KIF5B: variants seen among roughly 807,000 people sequenced by gnomAD.
KIF5B encodes the protein kinesin-1 heavy chain.
In KIF5B, 49 loss-of-function variants were observed where a neutral mutation model predicts 132.8. The observed-to-expected ratio is 0.37, with a 90% CI of 0.29 to 0.47. The LOEUF (loss-of-function observed/expected upper bound fraction) is 0.47, where lower values mean the gene tolerates loss of function less well. Among genes scored for constraint, KIF5B ranks in the 20% least tolerant of loss-of-function variants. The pLI is 1.00. For synonymous variants in KIF5B, 355 were observed against 369.4 expected, an observed-to-expected ratio of 0.96 and a Z score of 0.45; for missense variants, 780 against 1,144.0, an observed-to-expected ratio of 0.68 and a Z score of 4.59.
chr10:32,016,783 G>A (rs1347689682), intron 24 of KIF5B, among the ~76,000 whole-genome samples: 2 of 152,138 alleles, frequency 1.3e-5, no homozygotes, highest in Non-Finnish European at 2.9e-5. Context: ...TGATCCACCC[G>A]CCTCGACCTC....
chr10:32,039,402 TCC>T lies in KIF5B; in HGVS notation c.316_317del (p.Gly106AsnfsTer11). 6.6e-7 allele frequency: 1 copy of T among 1,520,882 alleles called. No homozygotes were observed. The highest frequency in any genetic ancestry group is 9.0e-7 in the Non-Finnish European group (1 of 1,116,368). The allele number at this position is 1,520,882 out of a possible 1,614,324, so 94.2% of individuals were successfully genotyped here. On this transcript the variant is annotated frameshift_variant, in exon 4 of 26. Transcript: ENST00000302418. LOFTEE classifies it high-confidence loss of function. The part of the protein sequence containing the change: ...EGKLHDPEGM[G>X]IIPRIVQDIF... ...TATCTTGCACTATTCTTGGAATAAT[TCC>T]CATGCCTTCTGGATCATGAAGTTTA...
intron 2 of KIF5B, among the ~76,000 whole-genome samples, chr10:32,042,753 A>G (rs1230678889): frequency 6.6e-6 from 1 of 152,200 alleles, no homozygotes; most frequent in Non-Finnish European, 1.5e-5. Context: ...TACTGTATCA[A>G]CAGAAAAAAC....
chr10:32,053,094 T>C (rs751163101), intron 1 of KIF5B, among the ~76,000 whole-genome samples: 13 of 152,252 alleles, frequency 8.5e-5, no homozygotes, highest in Non-Finnish European at 1.9e-4. Flanking sequence ...ATCATGTTTT[T>C]AAAAATTTAG....
At chr10:32,031,026 A>G in intron 14 of KIF5B, 47 bp downstream of exon 14, 1 of 1,347,608 alleles carries the variant, frequency 7.4e-7, no homozygotes, top group South Asian at 1.2e-5. Context: ...TTAGGTTAAG[A>G]ATACTTGTAC....
At position 32,009,772 on chromosome 10, in the gene KIF5B, T is replaced by C. The variant is rs1328114839; in HGVS notation, c.*1765A>G. ...GCCAAATGTTTCTCCATTTAGAAAA[T>C]CATCATAAAAGGTGGCAGCACTTTT... On this transcript the variant is annotated 3_prime_UTR_variant, in exon 26 of 26. Coordinates refer to ENST00000302418, the MANE Select transcript of KIF5B (RefSeq NM_004521.3). The C allele has an allele frequency of 1.3e-5, 2 of 152,072 alleles. No homozygotes were observed. Among genetic ancestry groups the C allele is most frequent in the Admixed American group, 1.3e-4 (2 of 15,270 alleles). 9.4% of individuals were successfully genotyped at this position (152,072 alleles called of 1,614,324 possible). A position where few individuals can be genotyped will look rare whatever the true frequency, so the allele number is the denominator to read the frequency against.
At chr10:32,018,419 T>G in intron 21 of KIF5B, 32 bp from the exon 22 acceptor site, 2 of 1,576,936 alleles carry the variant, frequency 1.3e-6, no homozygotes, top group Non-Finnish European at 1.7e-6. Context: ...TTTTTGGAGC[T>G]CAGACTTTAA....
chr10:32,017,061 C>G, intron 24 of KIF5B, 82 bp downstream of exon 24: 1 of 1,131,180 alleles, frequency 8.8e-7, no homozygotes, highest in Non-Finnish European at 1.3e-6. Context: ...CATGACAACA[C>G]ATAAAATTCG....
intron 1 of KIF5B, among the ~76,000 whole-genome samples, chr10:32,054,271 A>C (rs753720056): frequency 1.3e-5 from 2 of 152,212 alleles, no homozygotes; most frequent in Non-Finnish European, 2.9e-5. Context: ...CTATATGTAA[A>C]ATATACCATC....
intron 13 of KIF5B, among the ~76,000 whole-genome samples, chr10:32,031,943 G>A (rs370909439): frequency 6.7e-6 from 1 of 150,000 alleles, no homozygotes. Context: ...AGGTTGCAGT[G>A]AGCCAAGATC....
In KIF5B at chr10:32,018,720, C is replaced by CAA. The variant is rs112190132; in HGVS notation, c.2307-160_2307-159dup. Among the ~76,000 whole-genome samples, 327 of 150,412 alleles carry CAA rather than the reference C, an allele frequency of 2.2e-3. 2 individuals are homozygous for CAA. The highest frequency in any genetic ancestry group is 7.6e-3 in the African/African-American group (313 of 40,992). On this transcript the variant is annotated intron_variant, in intron 20 of 25. Transcript: ENST00000302418. ...TAAACAATTTACCTGTGCTGTCTTT[C>CAA]AAAAAAAAAATTTTTTTTTTTTTGA... is the stretch of plus-strand genomic sequence containing the variant.
chr10:32,032,986 C>T (rs1322748239), intron 12 of KIF5B, among the ~76,000 whole-genome samples: 1 of 152,154 alleles, frequency 6.6e-6, no homozygotes, highest in Non-Finnish European at 1.5e-5. Context: ...TACTTCGAAC[C>T]TGCCATCTCT....
At chr10:32,053,639 G>A (rs989627536) in intron 1 of KIF5B, among the ~76,000 whole-genome samples, 4 of 151,400 alleles carry the variant, frequency 2.6e-5, no homozygotes, top group South Asian at 2.1e-4. Flanking sequence ...CAGGAGAATC[G>A]TTTGAACCCG....
intron 12 of KIF5B, among the ~76,000 whole-genome samples, chr10:32,033,043 A>T (rs1049624972): frequency 6.6e-6 from 1 of 152,192 alleles, no homozygotes; most frequent in African/African-American, 2.4e-5. Flanking sequence ...ATTTTCTTCT[A>T]ATCTCTTTAC....
In KIF5B at chr10:32,023,044, G is replaced by A. The variant is rs1161827745; in HGVS notation, c.1726-8C>T. 1 of 1,493,422 alleles carries A rather than the reference G, an allele frequency of 6.7e-7. No individual in the cohort carries two copies. Among genetic ancestry groups the A allele is most frequent in the Non-Finnish European group, 9.0e-7 (1 of 1,112,730 alleles). The allele number at this position is 1,493,422 out of a possible 1,614,324, so 92.5% of individuals were successfully genotyped here. A position where few individuals can be genotyped will look rare whatever the true frequency, so the allele number is the denominator to read the frequency against. ...GCCAGTTCCCTCAGGCTGCTGTAAG[G>A]AAAAAGTAAAATAAAAAATTAAAGC... is the stretch of plus-strand genomic sequence containing the variant. On this transcript the variant is annotated splice_polypyrimidine_tract_variant and splice_region_variant and intron_variant, in intron 15 of 25. Coordinates refer to ENST00000302418, the MANE Select transcript of KIF5B (RefSeq NM_004521.3).
intron 19 of KIF5B, 126 bp from the exon 20 acceptor site, chr10:32,020,085 T>C (rs1004695773): frequency 1.0e-5 from 6 of 591,580 alleles, no homozygotes; most frequent in South Asian, 2.6e-5. Context: ...CTATACCCTA[T>C]GGAGGAAAAG....
At chr10:32,048,372 A>G in intron 2 of KIF5B, 92 bp downstream of exon 2, 1 of 804,536 alleles carries the variant, frequency 1.2e-6, no homozygotes, top group Non-Finnish European at 2.0e-6. Flanking sequence ...AGAAAGGGGC[A>G]TTAAAATGAA....
In KIF5B at chr10:32,018,517, A is replaced by G; in HGVS notation, c.2352T>C (p.Gly784=). The change falls in exon 21 of 26, where the codon GGT becomes GGC. Residue 784 remains glycine (G), a synonymous_variant. Coordinates refer to ENST00000302418, the MANE Select transcript of KIF5B (RefSeq NM_004521.3). ...TTTTTCTTACCACTGTCTCTTCCAA[A>G]CCCTTCAAGTCTTGTCTTGCTTGTT... ...RREQARQDLK[G]LEETVAKELQ... 1 of 1,613,286 alleles carries G rather than the reference A, an allele frequency of 6.2e-7. No homozygotes were observed. Among genetic ancestry groups the G allele is most frequent in the South Asian group, 1.1e-5 (1 of 90,942 alleles).
At chr10:32,037,814 A>G (rs1592449461) in intron 6 of KIF5B, among the ~76,000 whole-genome samples, 1 of 151,908 alleles carries the variant, frequency 6.6e-6, no homozygotes, top group East Asian at 1.9e-4. Context: ...CCTGAGCAAC[A>G]GAGCGAGCCT....
At chr10:32,044,603 C>T (rs1219582561) in intron 2 of KIF5B, among the ~76,000 whole-genome samples, 3 of 151,644 alleles carry the variant, frequency 2.0e-5, no homozygotes, top group East Asian at 3.9e-4. Context: ...ACCCGGGAGG[C>T]GGAGGTAGGT....
Sources: allele counts gnomAD v4.1 joint callset (sites outside exome capture counted in the v4.1 genomes callset), GRCh38; gene constraint gnomAD v4.1.1; transcripts MANE v1.5; gene names NCBI Gene and HGNC (gene_info 2026-07-23, HGNC 2026-07-21).